Variants in PHACTR4 observed in about 807,000 individuals in gnomAD.
The protein encoded by PHACTR4 is protein phosphatase 1, regulatory subunit 124.
PHACTR4 carries 51 observed loss-of-function variants against 72.7 expected under a neutral mutation model. That is an observed-to-expected ratio of 0.70 (90% CI 0.56 to 0.89). The LOEUF is 0.89. Ranked by LOEUF, PHACTR4 falls within the 40% of genes least tolerant of loss-of-function variation. PHACTR4 has a pLI of 0.00. For synonymous variants in PHACTR4, 255 were observed against 302.5 expected (o/e 0.84, Z 1.63); for missense variants, 731 against 861.8 (o/e 0.85, Z 1.90).
At chr1:28,461,613 A>G (rs1658813399) in intron 4 of PHACTR4, among the ~76,000 whole-genome samples, 1 of 152,182 alleles carries the variant, frequency 6.6e-6, no homozygotes, top group African/African-American at 2.4e-5. Context: ...CTAACCAGAG[A>G]CAACAAGCTT....
chr1:28,410,992 G>A (rs1161758760), intron 2 of PHACTR4, among the ~76,000 whole-genome samples: 2 of 151,558 alleles, frequency 1.3e-5, no homozygotes, highest in African/African-American at 4.9e-5. Flanking sequence ...GCAGGCGTGA[G>A]CCACCATGCC....
chr1:28,448,869 C>CG (rs1309422854), intron 2 of PHACTR4, among the ~76,000 whole-genome samples: 4 of 6,712 alleles, frequency 6.0e-4, no homozygotes, highest in Non-Finnish European at 1.4e-3. Flanking sequence ...AAGCGGGGGG[C>CG]GGGGGTGGGG....
At chr1:28,422,500 C>T (rs557609620) in intron 2 of PHACTR4, 1 of 152,188 alleles carries the variant, frequency 6.6e-6, no homozygotes, top group African/African-American at 2.4e-5. Context: ...GAACAAATCC[C>T]CCTTGGATAC....
At chr1:28,376,926 C>T (rs1006909337) in intron 1 of PHACTR4, among the ~76,000 whole-genome samples, 2 of 151,848 alleles carry the variant, frequency 1.3e-5, no homozygotes, top group Non-Finnish European at 2.9e-5. Flanking sequence ...CGTGAGCCAG[C>T]GCGCCCGGCC....
intron 1 of PHACTR4, among the ~76,000 whole-genome samples, chr1:28,403,696 C>T (rs1226695016): frequency 6.6e-6 from 1 of 152,068 alleles, no homozygotes; most frequent in African/African-American, 2.4e-5. Flanking sequence ...ATTTTAATTA[C>T]CCCCCAAAAA....
chr1:28,459,389 C>T, intron 3 of PHACTR4, 131 bp downstream of exon 3: 5 of 631,572 alleles, frequency 7.9e-6, no homozygotes, highest in East Asian at 3.5e-5. Flanking sequence ...TTATTCTTTC[C>T]TTCTTCTTTT....
Position 28,480,465 on chromosome 1 carries a change from A to C in PHACTR4, c.1621A>C (p.Lys541Gln), listed in dbSNP as rs374680607. The change falls in exon 9 of 14, where the codon AAA (lysine) becomes CAA (glutamine). Residue 541 changes from lysine to glutamine, a missense_variant. This residue lies in a region of PHACTR4 where 621 missense variants were observed against 676.6 expected (regional missense o/e 0.92). Coordinates refer to ENST00000373839, the MANE Select transcript of PHACTR4 (RefSeq NM_001048183.3). ...DESYQSALANKVKRKDTLAMK... is the reference protein window; with the variant it reads ...DESYQSALANQVKRKDTLAMK... ...CGTGTGCAAAGGTGCTCTCGCCAAC[A>C]AAGTGAAGAGGAAAGACACACTGGC... 2.2e-5 allele frequency: 36 copies of C among 1,613,948 alleles called. No homozygotes were observed. Among genetic ancestry groups the C allele is most frequent in the Middle Eastern group, 3.3e-4 (2 of 6,084 alleles).
chr1:28,496,120 G>A (rs1335244590), intron 13 of PHACTR4, among the ~76,000 whole-genome samples: 1 of 144,624 alleles, frequency 6.9e-6, no homozygotes, highest in East Asian at 2.1e-4. Context: ...GCAGTGGCGC[G>A]ATCTCGGCTC....
intron 2 of PHACTR4, among the ~76,000 whole-genome samples, chr1:28,435,002 G>A (rs758978335): frequency 5.9e-5 from 9 of 152,224 alleles, no homozygotes; most frequent in Non-Finnish European, 1.2e-4. Context: ...TATTTTCAAT[G>A]TGCCCAGTTT....
chr1:28,474,594 G>A (rs1369696177), intron 7 of PHACTR4, among the ~76,000 whole-genome samples: 3 of 151,794 alleles, frequency 2.0e-5, no homozygotes. Context: ...CCGGGCTGGA[G>A]TGCAGTGGCA....
chr1:28,382,394 C>T (rs1188643349), intron 1 of PHACTR4, among the ~76,000 whole-genome samples: 1 of 151,868 alleles, frequency 6.6e-6, no homozygotes, highest in Non-Finnish European at 1.5e-5. Context: ...AGCTCCGGCT[C>T]CTGAGTTCAC....
intron 1 of PHACTR4, among the ~76,000 whole-genome samples, chr1:28,401,671 T>C (rs1173693634): frequency 2.0e-5 from 3 of 152,014 alleles, no homozygotes; most frequent in Non-Finnish European, 4.4e-5. Flanking sequence ...CGTGGTGCAG[T>C]CATAGCTCAC....
At chr1:28,442,350 G>C (rs2124414209) in intron 2 of PHACTR4, among the ~76,000 whole-genome samples, 1 of 151,598 alleles carries the variant, frequency 6.6e-6, no homozygotes, top group Middle Eastern at 3.4e-3. Context: ...TGTAGTCCCA[G>C]CTACTCAGGA....
In PHACTR4 at chr1:28,453,003, C is replaced by T. The variant is rs376209641; in HGVS notation, c.17-6082C>T. ...GTGTGGTTTTGCGTACCTGTAATCC[C>T]GGCTACTTGGGAGGCTGAGGCAGGA... is the stretch of plus-strand genomic sequence containing the variant. On this transcript the variant is annotated intron_variant, in intron 2 of 13. Transcript: ENST00000373839. Among the ~76,000 whole-genome samples, 11 of 151,940 alleles carry T rather than the reference C, an allele frequency of 7.2e-5. No individual in the cohort carries two copies. The East Asian group carries it at 9.7e-4, about 13-fold the overall frequency.
At chr1:28,372,865 A>C (rs959745596) in intron 1 of PHACTR4, among the ~76,000 whole-genome samples, 5 of 151,912 alleles carry the variant, frequency 3.3e-5, no homozygotes, top group East Asian at 3.8e-4. Flanking sequence ...AAAAAAAAAA[A>C]ACACAGAAAT....
At chr1:28,484,663 A>G (rs1157120727) in intron 9 of PHACTR4, among the ~76,000 whole-genome samples, 1 of 147,288 alleles carries the variant, frequency 6.8e-6, no homozygotes, top group African/African-American at 2.5e-5. Context: ...TTTTTTTCCT[A>G]CCTTTAAAAA....
Position 28,466,450 on chromosome 1 carries a change from C to A in PHACTR4, c.505C>A (p.Leu169Ile). The change falls in exon 6 of 14, where the codon CTT becomes ATT. Residue 169 changes from leucine (L) to isoleucine (I), a missense_variant. By Grantham distance (5) the Leu-to-Ile change is conservative (BLOSUM62 2). Coordinates refer to ENST00000373839, the MANE Select transcript of PHACTR4 (RefSeq NM_001048183.3). ...VPENVPKPPL[L>I]PPKRPLSSSH... is the part of the protein sequence containing the mutation. ...TGAGAATGTACCCAAACCACCTTTA[C>A]TTCCTCCCAAAAGACCCTTGTCCTC... 1 of 1,614,150 alleles carries A rather than the reference C, an allele frequency of 6.2e-7. No individual in the cohort carries two copies. Among genetic ancestry groups the A allele is most frequent in the Non-Finnish European group, 8.5e-7 (1 of 1,180,032 alleles).
At chr1:28,395,524 G>A (rs1653424643) in intron 1 of PHACTR4, among the ~76,000 whole-genome samples, 1 of 152,024 alleles carries the variant, frequency 6.6e-6, no homozygotes, top group African/African-American at 2.4e-5. Context: ...TTAACAAAGA[G>A]GAGGAGGTCA....
intron 2 of PHACTR4, among the ~76,000 whole-genome samples, chr1:28,454,199 G>A (rs1461124311): frequency 6.7e-6 from 1 of 149,814 alleles, no homozygotes; most frequent in East Asian, 2.0e-4. Context: ...CTCTAAATTT[G>A]TATATACCTC....
Sources: allele counts gnomAD v4.1 joint callset (sites outside exome capture counted in the v4.1 genomes callset), GRCh38; gene constraint gnomAD v4.1.1; regional missense constraint gnomAD v4.1.1; transcripts MANE v1.5; gene names NCBI Gene and HGNC (gene_info 2026-07-23, HGNC 2026-07-21).